Variants in TNRC18 observed in about 807,000 individuals in gnomAD.
TNRC18 encodes the protein trinucleotide repeat-containing gene 18 protein.
Under a neutral mutation model 226.7 loss-of-function variants are expected in TNRC18, and 69 were observed. The ratio of observed to expected loss-of-function variants is 0.30; its 90% CI spans 0.25 to 0.37. TNRC18 has a LOEUF of 0.37. Ranked by LOEUF, TNRC18 falls within the 10% of genes least tolerant of loss-of-function variation. The pLI is 1.00. For synonymous variants in TNRC18, 2,449 were observed against 1,927.6 expected, an observed-to-expected ratio of 1.27 and a Z score of -7.09; for missense variants, 4,754 against 4,256.6, an observed-to-expected ratio of 1.12 and a Z score of -3.25.
In TNRC18 at chr7:5,307,908, G is replaced by A; in HGVS notation, c.*198C>T. ...CACTGAGGGGTTGGAAGGTGGGGCT[G>A]GAGGCATGTGCACATGCGTGCACAC... On this transcript the variant is annotated 3_prime_UTR_variant, in exon 30 of 30. Transcript: ENST00000430969. 1.7e-6 allele frequency: 1 copy of A among 598,214 alleles called. No individual in the cohort carries two copies. Among genetic ancestry groups the A allele is most frequent in the South Asian group, 2.0e-5 (1 of 50,236 alleles). 37.1% of individuals were successfully genotyped at this position (598,214 alleles called of 1,614,324 possible). A position where few individuals can be genotyped will look rare whatever the true frequency, so the allele number is the denominator to read the frequency against.
intron 2 of TNRC18, among the ~76,000 whole-genome samples, chr7:5,397,591 G>T: frequency 6.6e-6 from 1 of 152,022 alleles, no homozygotes; most frequent in Non-Finnish European, 1.5e-5. Flanking sequence ...GATGAGGCCA[G>T]CGTGCCACCC....
At chr7:5,385,703 G>C (rs1193797279) in intron 5 of TNRC18, among the ~76,000 whole-genome samples, 1 of 150,590 alleles carries the variant, frequency 6.6e-6, no homozygotes, top group African/African-American at 2.4e-5. Context: ...GCCAAGCATG[G>C]TGGCTCACAC....
At position 5,374,161 on chromosome 7, in the gene TNRC18, G is replaced by A; in HGVS notation, c.3123C>T (p.Pro1041=). The change falls in exon 10 of 30, where the codon CCC becomes CCT. Residue 1041 remains proline (P), a synonymous_variant. Coordinates refer to ENST00000430969, the MANE Select transcript of TNRC18 (RefSeq NM_001080495.3). ...PTSPPPASPP[P]TPGITRKEEA... ...CCTCCTTGCGGGTGATACCCGGGGT[G>A]GGCGGTGGGGAGGCGGGCGGCGGGC... 4 of 1,475,612 alleles carry A rather than the reference G, an allele frequency of 2.7e-6. No homozygotes were observed. Among genetic ancestry groups the A allele is most frequent in the Non-Finnish European group, 1.8e-6 (2 of 1,115,572 alleles). The allele number at this position is 1,475,612 out of a possible 1,614,324, so 91.4% of individuals were successfully genotyped here.
rs1262678506 is a variant in TNRC18, at chr7:5,366,375, CTGGAGTGCAG to C, written c.4220-3560_4220-3551del. On this transcript the variant is annotated intron_variant, in intron 11 of 29. Coordinates refer to ENST00000430969, the MANE Select transcript of TNRC18 (RefSeq NM_001080495.3). The stretch of plus-strand genomic sequence containing the variant: ...ACAGAATCTCACTCTGTCGCCCAGG[CTGGAGTGCAG>C]TGACCAATCTTGGCTCATGCAACCT... 6.6e-5 allele frequency among the ~76,000 whole-genome samples: 9 copies of C among 136,546 alleles called. No homozygotes were observed. The Admixed American group carries it at 6.6e-4, about 10-fold the overall frequency. 89.6% of individuals were successfully genotyped at this position (136,546 alleles called of 152,430 possible).
chr7:5,308,793 TGCTGAG>T, intron 29 of TNRC18, 76 bp downstream of exon 29: 1 of 1,465,808 alleles, frequency 6.8e-7, no homozygotes, highest in Non-Finnish European at 9.3e-7. Context: ...GAGCAGCAGA[TGCTGAG>T]CCGGGCCCTG....
intron 11 of TNRC18, among the ~76,000 whole-genome samples, chr7:5,369,572 G>A (rs1793957795): frequency 6.6e-6 from 1 of 151,970 alleles, no homozygotes; most frequent in Non-Finnish European, 1.5e-5. Context: ...ACAGCAAGAG[G>A]GAAGGAGGGA....
chr7:5,409,812 TA>T (rs35153914), intron 2 of TNRC18, among the ~76,000 whole-genome samples: 41,751 of 104,732 alleles, frequency 0.4, 7,318 homozygotes, highest in African/African-American at 0.49. Flanking sequence ...CCGTCTCTAC[TA>T]AAAAAAAAAA....
intron 19 of TNRC18, among the ~76,000 whole-genome samples, chr7:5,328,225 C>CA (rs1029319089): frequency 1.1e-4 from 16 of 148,614 alleles, no homozygotes; most frequent in African/African-American, 3.2e-4. Context: ...TCGCAAAAAA[C>CA]AAAAAAAATA....
intron 2 of TNRC18, among the ~76,000 whole-genome samples, chr7:5,403,989 T>G (rs145045237): frequency 6.6e-6 from 1 of 152,140 alleles, no homozygotes; most frequent in Non-Finnish European, 1.5e-5. Flanking sequence ...CAAACTCCCA[T>G]AGATCACAAG....
At position 5,362,039 on chromosome 7, in the gene TNRC18, G is replaced by C. The variant is rs767844030; in HGVS notation, c.4396-6C>G. ...GAGGACTTCATGGCATACATCTGGG[G>C]GAAGAACCGGGAGAGGAGGAGGGGG... On this transcript the variant is annotated splice_region_variant and splice_polypyrimidine_tract_variant and intron_variant, in intron 12 of 29. Coordinates refer to ENST00000430969, the MANE Select transcript of TNRC18 (RefSeq NM_001080495.3). The C allele has an allele frequency of 2.9e-5, 46 of 1,611,966 alleles. No homozygotes were observed. The highest frequency in any genetic ancestry group is 3.8e-5 in the Non-Finnish European group (45 of 1,179,078).
intron 2 of TNRC18, among the ~76,000 whole-genome samples, chr7:5,409,211 C>T (rs1562634210): frequency 6.6e-6 from 1 of 151,902 alleles, no homozygotes; most frequent in East Asian, 1.9e-4. Flanking sequence ...CACGGGAAGT[C>T]TCCAAGGTGA....
At position 5,312,358 on chromosome 7, in the gene TNRC18, C is replaced by T. The variant is rs1480879652; in HGVS notation, c.8388+145G>A. On this transcript the variant is annotated intron_variant, in intron 27 of 29. Coordinates refer to ENST00000430969, the MANE Select transcript of TNRC18 (RefSeq NM_001080495.3). This position sits in a 1 kb window ranked among gnomAD's most constrained non-coding sequence, Gnocchi z 6.3. ...TGAGGACACTCTGAGACTCAGTGTA[C>T]CCATCCATAAAGTGGGACGCCAGCC... 3.9e-5 allele frequency: 46 copies of T among 1,188,930 alleles called. No individual in the cohort carries two copies. Among genetic ancestry groups the T allele is most frequent in the Non-Finnish European group, 4.8e-5 (42 of 874,166 alleles). The allele number at this position is 1,188,930 out of a possible 1,614,324, so 73.6% of individuals were successfully genotyped here.
chr7:5,356,199 G>A (rs1792356944), intron 16 of TNRC18, among the ~76,000 whole-genome samples: 1 of 151,746 alleles, frequency 6.6e-6, no homozygotes, highest in Admixed American at 6.6e-5. Flanking sequence ...GAAAATAGTG[G>A]GACACAGCCA....
intron 19 of TNRC18, among the ~76,000 whole-genome samples, chr7:5,328,067 C>CA (rs112063869): frequency 3.9e-4 from 59 of 151,726 alleles, no homozygotes; most frequent in African/African-American, 1.3e-3. Context: ...ACTAAAAATA[C>CA]AAAAATTAGG....
intron 5 of TNRC18, among the ~76,000 whole-genome samples, chr7:5,384,554 C>T (rs1317220575): frequency 6.6e-6 from 1 of 151,980 alleles, no homozygotes. Context: ...CACGCACAGC[C>T]TCTTGGGCAC....
chr7:5,358,204 T>G (rs1414214106), intron 15 of TNRC18, among the ~76,000 whole-genome samples: 1 of 152,174 alleles, frequency 6.6e-6, no homozygotes, highest in Non-Finnish European at 1.5e-5. Flanking sequence ...CTTGGATGCC[T>G]GAAGCAGAAA....
Position 5,356,834 on chromosome 7 carries a change from G to T in TNRC18, c.5194+82C>A, listed in dbSNP as rs945901054. On this transcript the variant is annotated intron_variant, in intron 16 of 29. Transcript: ENST00000430969. ...AGCGAGAGAGAGAGTGAGGGGCGGG[G>T]GGGGAAGGAGGACGGTGGAGAGAAG... is the stretch of plus-strand genomic sequence containing the variant. 1.1e-5 allele frequency: 16 copies of T among 1,439,484 alleles called. No homozygotes were observed. In the East Asian group the frequency reaches 2.0e-4, roughly 18 times the overall value. 89.2% of individuals were successfully genotyped at this position (1,439,484 alleles called of 1,614,324 possible). A position where few individuals can be genotyped will look rare whatever the true frequency, so the allele number is the denominator to read the frequency against.
intron 5 of TNRC18, among the ~76,000 whole-genome samples, chr7:5,381,976 T>A (rs10277055): frequency 0.025 from 3,854 of 151,880 alleles, 153 homozygotes; most frequent in African/African-American, 0.081. Context: ...ATAAATAAAT[T>A]AATTAATTAA....
intron 16 of TNRC18, among the ~76,000 whole-genome samples, chr7:5,353,846 C>A (rs1482854717): frequency 6.6e-6 from 1 of 152,180 alleles, no homozygotes. Context: ...TCCATGAGTC[C>A]GTTTCTCTCA....
Sources: allele counts gnomAD v4.1 joint callset (sites outside exome capture counted in the v4.1 genomes callset), GRCh38; gene constraint gnomAD v4.1.1; non-coding constraint Gnocchi (gnomAD v3.1); transcripts MANE v1.5; gene names NCBI Gene and HGNC (gene_info 2026-07-23, HGNC 2026-07-21).